ERICH3: variants seen among roughly 807,000 people sequenced by gnomAD.
ERICH3 encodes glutamate-rich protein 3.
In ERICH3, 126 loss-of-function variants were observed where a neutral mutation model predicts 131.1. The observed-to-expected ratio is 0.96, with a 90% CI of 0.83 to 1.11. The LOEUF (loss-of-function observed/expected upper bound fraction) is 1.11, where lower values mean the gene tolerates loss of function less well. Among genes scored for constraint, ERICH3 ranks in the 50% most tolerant of loss-of-function variants. ERICH3 has a pLI of 0.00. For missense variants in ERICH3, 2,050 were observed against 1,810.7 expected, an observed-to-expected ratio of 1.13 and a Z score of -2.40; for synonymous variants, 695 against 644.6, an observed-to-expected ratio of 1.08 and a Z score of -1.18.
chr1:74,647,519 C>A (rs981468547), intron 2 of ERICH3, among the ~76,000 whole-genome samples: 8 of 152,070 alleles, frequency 5.3e-5, no homozygotes, highest in Non-Finnish European at 1.2e-4. Context: ...TCTCAACTGG[C>A]ATCATTGCAA....
intron 1 of ERICH3, among the ~76,000 whole-genome samples, chr1:74,654,368 A>T (rs1646564343): frequency 6.6e-6 from 1 of 151,508 alleles, no homozygotes; most frequent in Admixed American, 6.6e-5. Context: ...ATATATATAT[A>T]TGTATGTATA....
At chr1:74,576,807 T>A in intron 13 of ERICH3, 88 bp downstream of exon 13, 15 of 1,199,844 alleles carry the variant, frequency 1.3e-5, no homozygotes, top group Non-Finnish European at 1.8e-5. Context: ...AGCCTAGTGA[T>A]TTCAAGAACA....
At chr1:74,641,219 A>C in intron 5 of ERICH3, 112 bp downstream of exon 5, 1 of 1,211,036 alleles carries the variant, frequency 8.3e-7, no homozygotes, top group Admixed American at 2.4e-5. Context: ...TTCATTCAGT[A>C]GGACTGGCAG....
chr1:74,667,656 A>G (rs920756), intron 1 of ERICH3, among the ~76,000 whole-genome samples: 31,178 of 152,110 alleles, frequency 0.2, 4,371 homozygotes, highest in East Asian at 0.63. Context: ...TTATTTTCCC[A>G]TCTCCCTAAA....
intron 3 of ERICH3, among the ~76,000 whole-genome samples, chr1:74,643,572 A>AT (rs1646454674): frequency 6.6e-6 from 1 of 152,162 alleles, no homozygotes; most frequent in Non-Finnish European, 1.5e-5. Context: ...AATGCACATA[A>AT]TGCAGGATAA....
chr1:74,606,538 C>T, intron 10 of ERICH3, 63 bp downstream of exon 10: 1 of 1,488,984 alleles, frequency 6.7e-7, no homozygotes, highest in Non-Finnish European at 9.1e-7. Context: ...TTTTGATCAT[C>T]ACATTTCAAA....
Position 74,572,384 on chromosome 1 carries a change from A to C in ERICH3, c.3326T>G (p.Val1109Gly), listed in dbSNP as rs144966818. Reference sequence around the variant, plus strand: ...AGCTTTTGTCTCTTCCTCAGCTCTTACTTCTGTCTCTGTTTCCCCTTCTTC... The same window carrying C: ...AGCTTTTGTCTCTTCCTCAGCTCTTCCTTCTGTCTCTGTTTCCCCTTCTTC... ...KAEEGETETEVRAEEETKAPP... is the reference protein window; with the variant it reads ...KAEEGETETEGRAEEETKAPP... Residue 1109 changes from valine to glycine, a missense_variant, in exon 14 of 15, where the codon GTA becomes GGA. Transcript: ENST00000326665. 1.2e-6 allele frequency: 2 copies of C among 1,613,582 alleles called. No individual in the cohort carries two copies. Among genetic ancestry groups the C allele is most frequent in the Non-Finnish European group, 1.7e-6 (2 of 1,179,966 alleles).
chr1:74,572,226 C>T lies in ERICH3; in HGVS notation c.3484G>A (p.Gly1162Arg), dbSNP rs1646964988. ...TVVPIFEATP[G>R]FEKSLENITA... ...ATGTTTTCCAGCGACTTTTCAAATCCAGGCGTTGCTTCAAATATGGGAACC... is the reference window on the plus strand; with the variant it reads ...ATGTTTTCCAGCGACTTTTCAAATCTAGGCGTTGCTTCAAATATGGGAACC... Residue 1162 changes from glycine (G) to arginine (R), a missense_variant, in exon 14 of 15, where the codon GGA becomes AGA. By Grantham distance (125) the Gly-to-Arg change is moderately radical. Transcript: ENST00000326665. 6.2e-7 allele frequency: 1 copy of T among 1,613,996 alleles called. No homozygotes were observed. Among genetic ancestry groups the T allele is most frequent in the Admixed American group, 1.7e-5 (1 of 60,004 alleles).
chr1:74,618,609 C>T (rs1649084477), intron 8 of ERICH3, among the ~76,000 whole-genome samples: 1 of 152,056 alleles, frequency 6.6e-6, no homozygotes, highest in Non-Finnish European at 1.5e-5. Context: ...AATAAAAATG[C>T]CTGTGAAGAA....
At chr1:74,642,831 A>G (rs1470785403) in intron 4 of ERICH3, among the ~76,000 whole-genome samples, 196 bp downstream of exon 4, 3 of 152,148 alleles carry the variant, frequency 2.0e-5, no homozygotes, top group Admixed American at 2.0e-4. Context: ...TTTATTTTGT[A>G]CAAACAGCTC....
chr1:74,610,840 A>G (rs540380573), intron 9 of ERICH3, among the ~76,000 whole-genome samples: 33 of 151,950 alleles, frequency 2.2e-4, no homozygotes, highest in Admixed American at 1.0e-3. Context: ...TCAATGTCCA[A>G]TCCTCAGTCT....
Position 74,571,853 on chromosome 1 carries a change from C to G in ERICH3, c.3857G>C (p.Arg1286Thr). ...TGGGTCCTCATCCACCGCTTCCTCCCTGAACTTTTCTGCCATTATGGGATC... is the reference window on the plus strand; with the variant it reads ...TGGGTCCTCATCCACCGCTTCCTCCGTGAACTTTTCTGCCATTATGGGATC... ...EEDPIMAEKF[R>T]EEAVDEDPEE... Residue 1286 changes from arginine (R) to threonine (T), a missense_variant, in exon 14 of 15, where the codon AGG (arginine) becomes ACG (threonine). By Grantham distance (71) the Arg-to-Thr change is moderately conservative (BLOSUM62 -1). Coordinates refer to ENST00000326665, the MANE Select transcript of ERICH3 (RefSeq NM_001002912.5). The G allele has an allele frequency of 4.3e-6, 7 of 1,612,150 alleles. No individual in the cohort carries two copies. Among genetic ancestry groups the G allele is most frequent in the Non-Finnish European group, 5.1e-6 (6 of 1,180,038 alleles).
rs780172399 is a variant in ERICH3 at position 74,572,410 on chromosome 1, C to T, written c.3300G>A (p.Ala1100=). ...DAFKEEQKLK[A]EEGETETEVR... is the part of the protein sequence containing the mutation. Reference sequence around the variant, plus strand: ...CTTCTGTCTCTGTTTCCCCTTCTTCCGCTTTAAGTTTTTGCTCTTCTTTAA... The same window carrying T: ...CTTCTGTCTCTGTTTCCCCTTCTTCTGCTTTAAGTTTTTGCTCTTCTTTAA... The change falls in exon 14 of 15, where the codon GCG becomes GCA. Residue 1100 remains alanine (A), a synonymous_variant. Coordinates refer to ENST00000326665, the MANE Select transcript of ERICH3 (RefSeq NM_001002912.5). 5.6e-6 allele frequency: 9 copies of T among 1,613,666 alleles called. No individual in the cohort carries two copies. In the East Asian group the frequency reaches 6.7e-5, roughly 12 times the overall value.
chr1:74,670,580 A>G (rs557261207), intron 1 of ERICH3, among the ~76,000 whole-genome samples: 5 of 152,218 alleles, frequency 3.3e-5, no homozygotes, highest in Admixed American at 1.3e-4. Context: ...CTTTACTTTA[A>G]TCTCTTAATC....
chr1:74,626,657 C>T (rs905146132), intron 7 of ERICH3, among the ~76,000 whole-genome samples: 3 of 152,102 alleles, frequency 2.0e-5, no homozygotes, highest in Admixed American at 6.6e-5. Flanking sequence ...TAGACTACCT[C>T]GATCCTGAGT....
intron 12 of ERICH3, chr1:74,579,334 C>G: frequency 2.3e-6 from 2 of 868,226 alleles, no homozygotes; most frequent in Non-Finnish European, 2.8e-6. Context: ...AAGCAATTAG[C>G]AGGTACTGAA....
intron 6 of ERICH3, chr1:74,634,629 T>A (rs555541416): frequency 1.1e-5 from 8 of 712,586 alleles, no homozygotes; most frequent in Non-Finnish European, 1.8e-5. Context: ...CAAAGTAGCA[T>A]TAATAATTAT....
At chr1:74,614,675 TA>T (rs564728508) in intron 8 of ERICH3, among the ~76,000 whole-genome samples, 1,587 of 108,258 alleles carry the variant, frequency 0.015, 16 homozygotes, top group African/African-American at 0.042. Flanking sequence ...AGACTCCGTC[TA>T]AAAAAAAAAA....
At chr1:74,577,508 A>AG (rs1307286869) in intron 12 of ERICH3, 1 of 152,322 alleles carries the variant, frequency 6.6e-6, no homozygotes, top group African/African-American at 2.4e-5. Context: ...AAATATCAAA[A>AG]GGTATAAAAA....
Sources: gnomAD v4.1 joint callset for allele counts (sites outside exome capture counted in the v4.1 genomes callset) on GRCh38, gnomAD v4.1.1 for gene constraint, MANE v1.5 for transcripts, NCBI Gene and HGNC (gene_info 2026-07-23, HGNC 2026-07-21) for gene names.